The following CAMTA1 variants were observed in gnomAD, a reference collection of about 807,000 sequenced individuals.
CAMTA1 encodes calmodulin binding transcription activator 1, also known as calmodulin-binding transcription activator 1.
Under a neutral mutation model 170.9 loss-of-function variants are expected in CAMTA1, and 27 were observed. The observed-to-expected ratio is 0.16, with a 90% CI of 0.12 to 0.22. CAMTA1 has a LOEUF of 0.22. CAMTA1 is among the 10% of genes least tolerant of loss of function. The pLI is 1.00. For missense variants in CAMTA1, 1,619 were observed against 2,217.2 expected, an observed-to-expected ratio of 0.73 and a Z score of 5.42; for synonymous variants, 833 against 891.5, an observed-to-expected ratio of 0.93 and a Z score of 1.17.
intron 3 of CAMTA1, among the ~76,000 whole-genome samples, chr1:7,022,157 C>T (rs903446476): frequency 2.6e-5 from 4 of 152,156 alleles, no homozygotes; most frequent in Non-Finnish European, 5.9e-5. Context: ...TTAGCACTTA[C>T]CCTTGAGATT....
At chr1:7,378,257 TG>T (rs2086997628) in intron 5 of CAMTA1, among the ~76,000 whole-genome samples, 1 of 152,186 alleles carries the variant, frequency 6.6e-6, no homozygotes, top group Non-Finnish European at 1.5e-5. Flanking sequence ...CTGACGGCCT[TG>T]TATGTAACTA....
At position 7,589,310 on chromosome 1, in the gene CAMTA1, C is replaced by T. The variant is rs113829228; in HGVS notation, c.511-51090C>T. ...GGGTGTTGCCCTCTTCCTGGGGGCT[C>T]TACACACCCCGGCCGCTGTGGCAGG... On this transcript the variant is annotated intron_variant, in intron 6 of 22. Transcript: ENST00000303635. Among the ~76,000 whole-genome samples, 260 of 152,316 alleles carry T rather than the reference C, an allele frequency of 1.7e-3. 1 individual carries two copies. Among genetic ancestry groups the T allele is most frequent in the Non-Finnish European group, 3.2e-3 (220 of 68,010 alleles).
intron 5 of CAMTA1, among the ~76,000 whole-genome samples, chr1:7,409,238 G>A (rs1381875202): frequency 6.6e-6 from 1 of 152,194 alleles, no homozygotes; most frequent in African/African-American, 2.4e-5. Flanking sequence ...GAGACAGAGC[G>A]GACCAAGAGG....
chr1:7,125,136 A>C (rs985627250), intron 4 of CAMTA1, among the ~76,000 whole-genome samples: 1 of 152,104 alleles, frequency 6.6e-6, no homozygotes, highest in Non-Finnish European at 1.5e-5. Context: ...CTCTGCATCT[A>C]CACCGTGTTA....
At position 7,091,376 on chromosome 1, in the gene CAMTA1, T is replaced by C. The variant is rs865887247; in HGVS notation, c.302+5T>C. 1.9e-6 allele frequency: 3 copies of C among 1,608,020 alleles called. No individual in the cohort carries two copies. Among genetic ancestry groups the C allele is most frequent in the Non-Finnish European group, 2.6e-6 (3 of 1,174,424 alleles). ...AACCACCTCCCCTAAGACAAGGTAA[T>C]GTCCCAGATCTTGCAGTTTTTCAAA... On this transcript the variant is annotated splice_donor_5th_base_variant and intron_variant, in intron 4 of 22. Coordinates refer to ENST00000303635, the MANE Select transcript of CAMTA1 (RefSeq NM_015215.4).
At chr1:6,847,040 A>G (rs971533290) in intron 3 of CAMTA1, among the ~76,000 whole-genome samples, 8 of 150,182 alleles carry the variant, frequency 5.3e-5, no homozygotes, top group Non-Finnish European at 8.9e-5. Context: ...ATCTTGCTCT[A>G]TCTCCCAGGC....
chr1:7,363,193 CATGG>C (rs554535616), intron 5 of CAMTA1, among the ~76,000 whole-genome samples: 159 of 152,344 alleles, frequency 1.0e-3, no homozygotes, highest in African/African-American at 3.4e-3. Context: ...TTACATCACT[CATGG>C]ACATGAGCTG....
intron 3 of CAMTA1, among the ~76,000 whole-genome samples, chr1:6,864,416 A>G (rs187353313): frequency 7.9e-5 from 12 of 152,182 alleles, no homozygotes; most frequent in Admixed American, 7.2e-4. Flanking sequence ...GTCCTTTTCA[A>G]ATGCCAGTTG....
rs1052381542 is a variant in CAMTA1 at position 7,456,556 on chromosome 1, C to T, written c.439-11274C>T. Among the ~76,000 whole-genome samples, 4 of 152,208 alleles carry T rather than the reference C, an allele frequency of 2.6e-5. No homozygotes were observed. The South Asian group carries it at 6.2e-4, about 24-fold the overall frequency. ...GGAGATAACTGAGCAAGAATATACA[C>T]GTACACTGAGCAGAGCTCCTGCTGA... On this transcript the variant is annotated intron_variant, in intron 5 of 22. Coordinates refer to ENST00000303635, the MANE Select transcript of CAMTA1 (RefSeq NM_015215.4). The surrounding 1 kb of genome is among the most constrained non-coding windows in gnomAD (Gnocchi z 4.9).
At chr1:7,422,417 G>A (rs1269570376) in intron 5 of CAMTA1, among the ~76,000 whole-genome samples, 3 of 152,072 alleles carry the variant, frequency 2.0e-5, no homozygotes, top group Admixed American at 6.5e-5. Flanking sequence ...CCACGGACAG[G>A]CGAGAGGACA....
intron 4 of CAMTA1, among the ~76,000 whole-genome samples, chr1:7,120,943 C>T (rs1050898078): frequency 1.4e-4 from 21 of 152,184 alleles, no homozygotes; most frequent in Admixed American, 8.5e-4. Flanking sequence ...CAAAGAGAGT[C>T]GGCCTTCAGC....
At chr1:7,543,712 C>T (rs1383125174) in intron 6 of CAMTA1, among the ~76,000 whole-genome samples, 1 of 152,146 alleles carries the variant, frequency 6.6e-6, no homozygotes, top group Non-Finnish European at 1.5e-5. Flanking sequence ...GATGTTAGTT[C>T]TGTTTAGAAA....
chr1:7,489,237 G>A (rs776041195), intron 6 of CAMTA1, among the ~76,000 whole-genome samples: 3 of 152,186 alleles, frequency 2.0e-5, no homozygotes, highest in African/African-American at 4.8e-5. Context: ...TCTGTCCCCC[G>A]TTTCCAGATG....
rs77398102 is a variant in CAMTA1 at position 6,899,424 on chromosome 1, T to C, written c.234+74214T>C. ...CTGGGTATACAATCAGACCAAACAG[T>C]GTGATTTAAGTTTGAGCATAATTGG... is the stretch of plus-strand genomic sequence containing the variant. On this transcript the variant is annotated intron_variant, in intron 3 of 22. Coordinates refer to ENST00000303635, the MANE Select transcript of CAMTA1 (RefSeq NM_015215.4). Among the ~76,000 whole-genome samples, 773 of 152,368 alleles carry C rather than the reference T, an allele frequency of 5.1e-3. 3 individuals are homozygous for C. Among genetic ancestry groups the C allele is most frequent in the Non-Finnish European group, 6.1e-3 (417 of 68,038 alleles).
At chr1:7,077,232 T>TG (rs200062541) in intron 3 of CAMTA1, among the ~76,000 whole-genome samples, 7,081 of 151,352 alleles carry the variant, frequency 0.047, 578 homozygotes, top group African/African-American at 0.16. Flanking sequence ...AGGTTTTTTT[T>TG]TTTTTTTTTT....
chr1:7,200,099 A>G (rs926088523), intron 4 of CAMTA1, among the ~76,000 whole-genome samples: 5 of 152,262 alleles, frequency 3.3e-5, no homozygotes, highest in Admixed American at 6.5e-5. Context: ...TACCATTTGT[A>G]TATCATTCGC....
At chr1:6,936,084 A>G (rs1275259321) in intron 3 of CAMTA1, among the ~76,000 whole-genome samples, 2 of 152,202 alleles carry the variant, frequency 1.3e-5, no homozygotes, top group Non-Finnish European at 2.9e-5. Context: ...CTTCTGGAAA[A>G]TAAAAACTTG....
chr1:7,207,159 C>T (rs1657890958), intron 4 of CAMTA1, among the ~76,000 whole-genome samples: 1 of 152,210 alleles, frequency 6.6e-6, no homozygotes, highest in Non-Finnish European at 1.5e-5. Flanking sequence ...CAATCAGCAT[C>T]CACTGAGTAG....
intron 5 of CAMTA1, among the ~76,000 whole-genome samples, chr1:7,437,964 G>A (rs1359818332): frequency 4.6e-5 from 7 of 152,248 alleles, no homozygotes; most frequent in African/African-American, 1.7e-4. Flanking sequence ...ATCATCTCAA[G>A]TGGGGATGAG....
Sources: gnomAD v4.1 joint callset for allele counts (sites outside exome capture counted in the v4.1 genomes callset) on GRCh38, gnomAD v4.1.1 for gene constraint, Gnocchi (gnomAD v3.1) non-coding constraint, MANE v1.5 for transcripts, NCBI Gene and HGNC (gene_info 2026-07-23, HGNC 2026-07-21) for gene names.